The following SYT2 variants were observed in gnomAD, a reference collection of about 807,000 sequenced individuals.
SYT2 encodes synaptotagmin 2.
Under a neutral mutation model 39.9 loss-of-function variants are expected in SYT2, and 15 were observed. The observed-to-expected ratio is 0.38, with a 90% CI of 0.25 to 0.58. The LOEUF is 0.58. Among genes scored for constraint, SYT2 ranks in the 20% least tolerant of loss-of-function variants. The pLI, the probability that SYT2 is intolerant of heterozygous loss-of-function variation, is 0.70. For missense variants in SYT2, 389 were observed against 530.3 expected, an observed-to-expected ratio of 0.73 and a Z score of 2.62; for synonymous variants, 181 against 204.5, an observed-to-expected ratio of 0.89 and a Z score of 0.98.
intron 1 of SYT2, among the ~76,000 whole-genome samples, chr1:202,655,706 T>C (rs2149103756): frequency 6.6e-6 from 1 of 152,178 alleles, no homozygotes; most frequent in South Asian, 2.1e-4. Flanking sequence ...AGATGCTGTC[T>C]CTCCAAAAGA....
chr1:202,642,907 T>G (rs1214861161), intron 1 of SYT2, among the ~76,000 whole-genome samples: 1 of 152,244 alleles, frequency 6.6e-6, no homozygotes, highest in East Asian at 1.9e-4. Context: ...CGCAGGTCCC[T>G]GGTCCCAGCG....
intron 1 of SYT2, among the ~76,000 whole-genome samples, chr1:202,648,112 T>G (rs1359384470): frequency 6.6e-6 from 1 of 152,234 alleles, no homozygotes; most frequent in Non-Finnish European, 1.5e-5. Context: ...GAATATTGCA[T>G]GAGTTAATAC....
chr1:202,679,228 C>T (rs773304034), intron 1 of SYT2, among the ~76,000 whole-genome samples: 3 of 152,166 alleles, frequency 2.0e-5, no homozygotes, highest in Non-Finnish European at 4.4e-5. Context: ...CTCTGTCTCC[C>T]TCCTGTTCCC....
intron 1 of SYT2, among the ~76,000 whole-genome samples, chr1:202,709,819 G>A (rs1052615914): frequency 2.0e-5 from 3 of 152,104 alleles, no homozygotes; most frequent in Admixed American, 1.3e-4. Context: ...AGGGGTCCCC[G>A]AAGCTTGAGA....
chr1:202,612,604 C>G (rs547031793), intron 1 of SYT2, among the ~76,000 whole-genome samples: 19 of 152,276 alleles, frequency 1.2e-4, no homozygotes, highest in African/African-American at 3.4e-4. Flanking sequence ...TGGGCTCATG[C>G]AATCCACCTG....
At chr1:202,681,987 G>A (rs1017108807) in intron 1 of SYT2, among the ~76,000 whole-genome samples, 1 of 152,184 alleles carries the variant, frequency 6.6e-6, no homozygotes, top group South Asian at 2.1e-4. Flanking sequence ...TCCACCTGAT[G>A]AGGCCAGGGC....
chr1:202,629,935 G>A (rs2149090028), intron 1 of SYT2, among the ~76,000 whole-genome samples: 1 of 140,570 alleles, frequency 7.1e-6, no homozygotes, highest in African/African-American at 2.6e-5. Flanking sequence ...AGCACAAAAG[G>A]ATAATCCACT....
intron 1 of SYT2, among the ~76,000 whole-genome samples, chr1:202,674,475 G>A (rs1389987288): frequency 1.3e-5 from 2 of 152,186 alleles, no homozygotes; most frequent in Non-Finnish European, 2.9e-5. Flanking sequence ...TGTGTGGAAG[G>A]ATGTGAAAGT....
chr1:202,620,370 G>C (rs562381342), intron 1 of SYT2, among the ~76,000 whole-genome samples: 1 of 152,264 alleles, frequency 6.6e-6, no homozygotes, highest in Admixed American at 6.5e-5. Context: ...ACTGCCTCTG[G>C]CCCCCTTTGC....
At chr1:202,621,360 A>G (rs1691198707) in intron 1 of SYT2, among the ~76,000 whole-genome samples, 1 of 152,088 alleles carries the variant, frequency 6.6e-6, no homozygotes, top group Non-Finnish European at 1.5e-5. Flanking sequence ...CAGGGCCGTG[A>G]TCATAGCTCA....
intron 1 of SYT2, among the ~76,000 whole-genome samples, chr1:202,656,540 GT>G (rs1217287912): frequency 6.6e-6 from 1 of 152,182 alleles, no homozygotes; most frequent in Admixed American, 6.5e-5. Flanking sequence ...TTAGGGAAGT[GT>G]CTTTAACCTC....
intron 1 of SYT2, among the ~76,000 whole-genome samples, chr1:202,641,443 C>T (rs1410301710): frequency 1.3e-5 from 2 of 152,174 alleles, no homozygotes; most frequent in Non-Finnish European, 2.9e-5. Flanking sequence ...CAAGAAAGGG[C>T]CTTGCCCAAG....
At chr1:202,675,020 C>A (rs1653327070) in intron 1 of SYT2, among the ~76,000 whole-genome samples, 1 of 152,136 alleles carries the variant, frequency 6.6e-6, no homozygotes, top group Admixed American at 6.5e-5. Context: ...AAGAAAATGC[C>A]AGGTGCTCAG....
chr1:202,674,187 C>T (rs1200682956), intron 1 of SYT2, among the ~76,000 whole-genome samples: 3 of 152,040 alleles, frequency 2.0e-5, no homozygotes, highest in Admixed American at 6.6e-5. Context: ...CTGCAACCTC[C>T]GCCTCCTGGG....
rs150283182 is a variant in SYT2 at position 202,705,276 on chromosome 1, G to A, written c.-18+4982C>T. On this transcript the variant is annotated intron_variant, in intron 1 of 8. Transcript: ENST00000367268. ...CCGTTCATTGTAAAGTGGGGACAGC[G>A]ATGGCGTAGCCGAGGACTGCAGTGA... 8.3e-4 allele frequency among the ~76,000 whole-genome samples: 127 copies of A among 152,388 alleles called. 1 individual carries two copies. In the East Asian group the frequency reaches 0.014, roughly 17 times the overall value.
intron 1 of SYT2, among the ~76,000 whole-genome samples, chr1:202,613,437 A>AT (rs1199491137): frequency 4.6e-5 from 7 of 151,980 alleles, no homozygotes; most frequent in Non-Finnish European, 8.8e-5. Flanking sequence ...GTGCTGGTGG[A>AT]GTCCTTAGGA....
Position 202,593,674 on chromosome 1 carries a change from T to C in SYT2, c.*3083A>G, listed in dbSNP as rs976167891. ...CTTCCACTTCCAAAGCCCAAAAATC[T>C]GCCTGTAGCTCTGGCAGAGTTAGCA... On this transcript the variant is annotated 3_prime_UTR_variant, in exon 9 of 9. Coordinates refer to ENST00000367268, the MANE Select transcript of SYT2 (RefSeq NM_177402.5). 4.6e-5 allele frequency: 7 copies of C among 152,178 alleles called. No individual in the cohort carries two copies. The highest frequency in any genetic ancestry group is 1.7e-4 in the African/African-American group (7 of 41,446). The allele number at this position is 152,178 out of a possible 1,614,324, so 9.4% of individuals were successfully genotyped here. A position where few individuals can be genotyped will look rare whatever the true frequency, so the allele number is the denominator to read the frequency against.
At chr1:202,688,633 A>T (rs1426008298) in intron 1 of SYT2, among the ~76,000 whole-genome samples, 1 of 152,218 alleles carries the variant, frequency 6.6e-6, no homozygotes, top group African/African-American at 2.4e-5. Context: ...GCGATTTTAC[A>T]TGAGACCTTG....
At chr1:202,695,157 G>C (rs1160446143) in intron 1 of SYT2, among the ~76,000 whole-genome samples, 1 of 151,982 alleles carries the variant, frequency 6.6e-6, no homozygotes, top group African/African-American at 2.4e-5. Flanking sequence ...GAAGTGGAAA[G>C]CAAGTTGTCA....
Sources: gnomAD v4.1 joint callset for allele counts (sites outside exome capture counted in the v4.1 genomes callset) on GRCh38, gnomAD v4.1.1 for gene constraint, MANE v1.5 for transcripts, NCBI Gene and HGNC (gene_info 2026-07-23, HGNC 2026-07-21) for gene names.